NR4A3: variants seen among roughly 807,000 people sequenced by gnomAD.
The protein encoded by NR4A3 is nuclear receptor subfamily 4 group A member 3.
Under a neutral mutation model 55.6 loss-of-function variants are expected in NR4A3, and 13 were observed. That is an observed-to-expected ratio of 0.23 (90% CI 0.15 to 0.37). The LOEUF is 0.37. Among genes scored for constraint, NR4A3 ranks in the 10% least tolerant of loss-of-function variants. The pLI is 1.00. For synonymous variants in NR4A3, 342 were observed against 357.9 expected, an observed-to-expected ratio of 0.96 and a Z score of 0.50; for missense variants, 646 against 822.8, an observed-to-expected ratio of 0.79 and a Z score of 2.63.
intron 7 of NR4A3, among the ~76,000 whole-genome samples, chr9:99,853,176 T>C (rs1164176533): frequency 6.6e-6 from 1 of 152,124 alleles, no homozygotes; most frequent in African/African-American, 2.4e-5. Flanking sequence ...AACTAATATG[T>C]ACTATGCAGA....
intron 7 of NR4A3, among the ~76,000 whole-genome samples, chr9:99,857,610 C>T (rs564714248): frequency 1.8e-4 from 28 of 152,136 alleles, no homozygotes; most frequent in Admixed American, 3.3e-4. Context: ...CATGGTGAAA[C>T]CCCTTCTCTA....
chr9:99,861,046 C>A (rs7023690), intron 7 of NR4A3, among the ~76,000 whole-genome samples: 67,078 of 152,060 alleles, frequency 0.44, 15,961 homozygotes, highest in Non-Finnish European at 0.55. Flanking sequence ...AGACATTGAG[C>A]CTTAGAGAAA....
At chr9:99,840,598 GC>G (rs1564033710) in intron 5 of NR4A3, among the ~76,000 whole-genome samples, 1 of 152,206 alleles carries the variant, frequency 6.6e-6, no homozygotes, top group Non-Finnish European at 1.5e-5. Context: ...TAATGCAAGA[GC>G]CAGAAGTAAT....
At position 99,829,000 on chromosome 9, in the gene NR4A3, G is replaced by T. The variant is rs765363907; in HGVS notation, c.951+7G>T. 50 of 1,338,202 alleles carry T rather than the reference G, an allele frequency of 3.7e-5. 1 individual carries two copies. The South Asian group carries it at 9.0e-4, about 24-fold the overall frequency. 82.9% of individuals were successfully genotyped at this position (1,338,202 alleles called of 1,614,324 possible). On this transcript the variant is annotated splice_region_variant and intron_variant, in intron 3 of 7. Transcript: ENST00000395097. This position sits in a 1 kb window ranked among gnomAD's most constrained non-coding sequence, Gnocchi z 7.7. ...CTGCAAGGGCTTTTTCAAGGTGAGC[G>T]CACGCCGCCCCCTCCCCTCCGCACC...
At chr9:99,826,641 G>A in intron 2 of NR4A3, 1 of 728,744 alleles carries the variant, frequency 1.4e-6, no homozygotes, top group Non-Finnish European at 2.4e-6. Flanking sequence ...TAAGTAACTG[G>A]ACTTCAAACT....
chr9:99,865,090 T>C lies in NR4A3; in HGVS notation c.*1223T>C. The C allele has an allele frequency of 5.0e-6, 1 of 198,504 alleles. No individual in the cohort carries two copies. The highest frequency in any genetic ancestry group is 1.0e-5 in the Non-Finnish European group (1 of 95,584). 12.3% of individuals were successfully genotyped at this position (198,504 alleles called of 1,614,324 possible). On this transcript the variant is annotated 3_prime_UTR_variant, in exon 8 of 8. Transcript: ENST00000395097. This position sits in a 1 kb window ranked among gnomAD's most constrained non-coding sequence, Gnocchi z 4.3. ...TTCAACATTCCGTGTTCGTACTCCC[T>C]TTTGTATGTTTCTACTGTTAATGCC...
intron 5 of NR4A3, among the ~76,000 whole-genome samples, chr9:99,835,666 C>G (rs1436970781): frequency 6.6e-6 from 1 of 152,164 alleles, no homozygotes; most frequent in African/African-American, 2.4e-5. Flanking sequence ...CCCAAATTAT[C>G]CAATTATCAG....
In NR4A3 at chr9:99,865,321, T is replaced by A; in HGVS notation, c.*1454T>A. The A allele has an allele frequency of 6.0e-6, 1 of 165,862 alleles. No homozygotes were observed. Among genetic ancestry groups the A allele is most frequent in the Non-Finnish European group, 1.3e-5 (1 of 76,424 alleles). 10.3% of individuals were successfully genotyped at this position (165,862 alleles called of 1,614,324 possible). On this transcript the variant is annotated 3_prime_UTR_variant, in exon 8 of 8. Transcript: ENST00000395097. The surrounding 1 kb of genome is among the most constrained non-coding windows in gnomAD (Gnocchi z 4.3). Reference sequence around the variant, plus strand: ...AAGCAAATATATATATATATATAAATATAGCAGGTTACATATATATATTTA... The same window carrying A: ...AAGCAAATATATATATATATATAAAAATAGCAGGTTACATATATATATTTA...
intron 3 of NR4A3, among the ~76,000 whole-genome samples, chr9:99,830,130 T>A (rs1446673619): frequency 6.6e-6 from 1 of 152,196 alleles, no homozygotes; most frequent in Non-Finnish European, 1.5e-5. Flanking sequence ...TATCCTCTAG[T>A]GCTGGACAGG....
intron 5 of NR4A3, among the ~76,000 whole-genome samples, chr9:99,842,165 A>G (rs1827664805): frequency 6.6e-6 from 1 of 151,844 alleles, no homozygotes; most frequent in Non-Finnish European, 1.5e-5. Flanking sequence ...ACACAAAGAA[A>G]AAAAGACCCA....
chr9:99,824,575 C>G (rs926792223), intron 1 of NR4A3, among the ~76,000 whole-genome samples: 1 of 152,216 alleles, frequency 6.6e-6, no homozygotes, highest in Non-Finnish European at 1.5e-5. Flanking sequence ...CTGGGAGCCC[C>G]GAGTCCCTTT....
intron 7 of NR4A3, among the ~76,000 whole-genome samples, chr9:99,849,421 C>T (rs2118128851): frequency 6.6e-6 from 1 of 152,000 alleles, no homozygotes; most frequent in Middle Eastern, 3.4e-3. Context: ...AAAACCAAGG[C>T]AGTCTCAAAG....
chr9:99,838,932 C>A (rs1447546522), intron 5 of NR4A3, among the ~76,000 whole-genome samples: 1 of 152,198 alleles, frequency 6.6e-6, no homozygotes, highest in African/African-American at 2.4e-5. Flanking sequence ...AAGGGATGAG[C>A]AATAGAGATA....
At chr9:99,829,955 A>C (rs759421458) in intron 3 of NR4A3, among the ~76,000 whole-genome samples, 5 of 152,208 alleles carry the variant, frequency 3.3e-5, no homozygotes, top group Non-Finnish European at 5.9e-5. Flanking sequence ...TCCTGAGTTC[A>C]GTGTTATTTC....
At position 99,863,743 on chromosome 9, in the gene NR4A3, C is replaced by T. The variant is rs757472004; in HGVS notation, c.1757C>T (p.Ala586Val). 4.3e-6 allele frequency: 7 copies of T among 1,613,604 alleles called. No individual in the cohort carries two copies. The African/African-American group carries it at 8.0e-5, about 18-fold the overall frequency. The change falls in exon 8 of 8, where the codon GCC (alanine) becomes GTC (valine). Residue 586 changes from alanine (A) to valine (V), a missense_variant. Transcript: ENST00000395097. ...LEPTESKVLG[A>V]LVELRKICTL... ...CCCACCGAGTCCAAGGTCCTGGGTG[C>T]CCTGGTAGAACTGAGGAAGATCTGC...
rs971677587 is a variant in NR4A3, at chr9:99,865,556, T to C, written c.*1689T>C. 2 of 185,646 alleles carry C rather than the reference T, an allele frequency of 1.1e-5. No individual in the cohort carries two copies. Among genetic ancestry groups the C allele is most frequent in the Non-Finnish European group, 2.3e-5 (2 of 87,460 alleles). The allele number at this position is 185,646 out of a possible 1,614,324, so 11.5% of individuals were successfully genotyped here. ...TACTCTGTATCAAGTCAAAATATCT[T>C]TGGCCATTTTGCTAAGAAACAAACT... On this transcript the variant is annotated 3_prime_UTR_variant, in exon 8 of 8. Coordinates refer to ENST00000395097, the MANE Select transcript of NR4A3 (RefSeq NM_006981.4). The surrounding 1 kb of genome is among the most constrained non-coding windows in gnomAD (Gnocchi z 4.3).
Position 99,844,676 on chromosome 9 carries a change from G to C in NR4A3, c.1282G>C (p.Gly428Arg). ...RYCPTDQAAA[G>R]TDAEHVQQFY... is the part of the protein sequence containing the mutation. ...CTGTCCCACTGACCAGGCTGCTGCA[G>C]GCACAGATGCTGAGCATGTGCAACA... Residue 428 changes from glycine (G) to arginine (R), a missense_variant, in exon 6 of 8, where the codon GGC becomes CGC. Coordinates refer to ENST00000395097, the MANE Select transcript of NR4A3 (RefSeq NM_006981.4). 6.2e-7 allele frequency: 1 copy of C among 1,614,202 alleles called. No homozygotes were observed. Among genetic ancestry groups the C allele is most frequent in the Middle Eastern group, 1.7e-4 (1 of 6,058 alleles).
At chr9:99,835,003 A>G in intron 5 of NR4A3, 6 of 863,734 alleles carry the variant, frequency 6.9e-6, no homozygotes, top group Non-Finnish European at 7.0e-6. Context: ...GTCCTTTACT[A>G]GCTAAGTGAC....
intron 3 of NR4A3, 52 bp downstream of exon 3, chr9:99,829,045 A>G (rs1827385294): frequency 1.5e-6 from 2 of 1,299,894 alleles, no homozygotes; most frequent in African/African-American, 3.1e-5. Flanking sequence ...CACTGAAGGG[A>G]GCTTCTAAGT....
Sources: gnomAD v4.1 joint callset for allele counts (sites outside exome capture counted in the v4.1 genomes callset) on GRCh38, gnomAD v4.1.1 for gene constraint, Gnocchi (gnomAD v3.1) non-coding constraint, MANE v1.5 for transcripts, NCBI Gene and HGNC (gene_info 2026-07-23, HGNC 2026-07-21) for gene names.